The following MTSS1 variants were observed in gnomAD, a reference collection of about 807,000 sequenced individuals.
MTSS1 encodes the protein protein MTSS 1.
A neutral mutation model predicts 79.0 loss-of-function variants in MTSS1; 18 were observed. The ratio of observed to expected loss-of-function variants is 0.23; its 90% CI spans 0.16 to 0.34. The LOEUF (loss-of-function observed/expected upper bound fraction) is 0.34, where lower values mean the gene tolerates loss of function less well. Ranked by LOEUF, MTSS1 falls within the 10% of genes least tolerant of loss-of-function variation. MTSS1 has a pLI of 1.00. For missense variants in MTSS1, 815 were observed against 986.2 expected (o/e 0.83, Z 2.33); for synonymous variants, 341 against 368.6 (o/e 0.93, Z 0.86).
At chr8:124,667,118 C>T (rs1028228171) in intron 3 of MTSS1, among the ~76,000 whole-genome samples, 3 of 152,116 alleles carry the variant, frequency 2.0e-5, no homozygotes, top group Middle Eastern at 3.2e-3. Flanking sequence ...GGGTTTCCCC[C>T]CATCTTAGGA....
Position 124,695,869 on chromosome 8 carries a change from T to G in MTSS1, c.208+3657A>C, listed in dbSNP as rs1023940627. 6.6e-5 allele frequency among the ~76,000 whole-genome samples: 10 copies of G among 151,638 alleles called. 1 individual carries two copies. Among genetic ancestry groups the G allele is most frequent in the East Asian group, 3.9e-4 (2 of 5,182 alleles). ...ACATATTGTGGAAAACTAGTGTTGTTTTTTTTTTTTCCTCCCAGCATGTTT... is the reference window on the plus strand; with the variant it reads ...ACATATTGTGGAAAACTAGTGTTGTGTTTTTTTTTTCCTCCCAGCATGTTT... On this transcript the variant is annotated intron_variant, in intron 3 of 13. Coordinates refer to ENST00000518547, the MANE Select transcript of MTSS1 (RefSeq NM_014751.6).
At chr8:124,679,570 G>C (rs1305490894) in intron 3 of MTSS1, among the ~76,000 whole-genome samples, 3 of 152,190 alleles carry the variant, frequency 2.0e-5, no homozygotes, top group Admixed American at 2.0e-4. Context: ...TGCCTGATCT[G>C]CTTCTAGAGC....
In MTSS1 at chr8:124,683,022, T is replaced by C. The variant is rs531476767; in HGVS notation, c.208+16504A>G. Among the ~76,000 whole-genome samples the C allele has an allele frequency of 8.5e-5, 13 of 152,326 alleles. 1 individual carries two copies. The South Asian group carries it at 2.1e-3, about 24-fold the overall frequency. On this transcript the variant is annotated intron_variant, in intron 3 of 13. Transcript: ENST00000518547. This position sits in a 1 kb window ranked among gnomAD's most constrained non-coding sequence, Gnocchi z 4.5. ...CTTCCTTCCCCAGTCTATGACCTTT[T>C]CAGACCATCTTGGTTCCTCTCCTGA...
At chr8:124,680,977 A>C (rs1323308545) in intron 3 of MTSS1, among the ~76,000 whole-genome samples, 1 of 152,132 alleles carries the variant, frequency 6.6e-6, no homozygotes, top group African/African-American at 2.4e-5. Flanking sequence ...GAGCTCCTTA[A>C]CCACCTTTAA....
At chr8:124,654,148 G>T (rs1045366983) in intron 3 of MTSS1, among the ~76,000 whole-genome samples, 8 of 152,214 alleles carry the variant, frequency 5.3e-5, no homozygotes, top group African/African-American at 1.9e-4. Flanking sequence ...TGTGGGAGGA[G>T]CAAGTTCCTC....
intron 3 of MTSS1, among the ~76,000 whole-genome samples, chr8:124,685,063 A>C (rs759711099): frequency 6.6e-6 from 1 of 152,180 alleles, no homozygotes; most frequent in Non-Finnish European, 1.5e-5. Flanking sequence ...AATAAATATA[A>C]ACCAAGAAAT....
chr8:124,573,103 C>A (rs868067538), intron 6 of MTSS1, among the ~76,000 whole-genome samples: 1 of 152,172 alleles, frequency 6.6e-6, no homozygotes, highest in African/African-American at 2.4e-5. Context: ...TCCCATTGCT[C>A]GCAAGAAAAG....
intron 3 of MTSS1, among the ~76,000 whole-genome samples, chr8:124,600,032 T>C (rs1821038484): frequency 6.7e-6 from 1 of 150,080 alleles, no homozygotes; most frequent in Admixed American, 6.6e-5. Flanking sequence ...ACGTAGATGG[T>C]TGTACTACAA....
chr8:124,718,140 T>C (rs1256275400), intron 1 of MTSS1, among the ~76,000 whole-genome samples: 1 of 140,654 alleles, frequency 7.1e-6, no homozygotes, highest in African/African-American at 2.5e-5. Flanking sequence ...CATCAAGCGC[T>C]TGTGGGTGAC....
At chr8:124,565,626 G>C in intron 9 of MTSS1, 36 bp downstream of exon 9, 5 of 1,562,594 alleles carry the variant, frequency 3.2e-6, no homozygotes, top group Non-Finnish European at 4.4e-6. Flanking sequence ...AAAATGACCC[G>C]TCCTGAAAGC....
At chr8:124,703,198 C>T (rs1259086439) in intron 2 of MTSS1, among the ~76,000 whole-genome samples, 1 of 152,148 alleles carries the variant, frequency 6.6e-6, no homozygotes, top group African/African-American at 2.4e-5. Flanking sequence ...CCCAAGCAAC[C>T]AATGATCAAC....
At chr8:124,688,262 T>C (rs553237535) in intron 3 of MTSS1, among the ~76,000 whole-genome samples, 108 of 152,030 alleles carry the variant, frequency 7.1e-4, no homozygotes, top group African/African-American at 2.5e-3. Flanking sequence ...TGTGTGTGCA[T>C]GTGTATGTGT....
At chr8:124,691,666 C>G (rs1827957480) in intron 3 of MTSS1, among the ~76,000 whole-genome samples, 1 of 152,044 alleles carries the variant, frequency 6.6e-6, no homozygotes, top group Non-Finnish European at 1.5e-5. Flanking sequence ...CAGATGCCCG[C>G]CACCACACCC....
At chr8:124,707,403 A>C (rs1262233702) in intron 1 of MTSS1, among the ~76,000 whole-genome samples, 17 of 149,150 alleles carry the variant, frequency 1.1e-4, no homozygotes, top group Non-Finnish European at 2.4e-4. Flanking sequence ...AAAAAAAAAA[A>C]CAAACAAACA....
intron 3 of MTSS1, among the ~76,000 whole-genome samples, chr8:124,644,565 G>A (rs898913910): frequency 4.6e-5 from 7 of 152,188 alleles, no homozygotes; most frequent in African/African-American, 1.7e-4. Context: ...ATGAAACAAG[G>A]AAATTACATT....
intron 3 of MTSS1, among the ~76,000 whole-genome samples, chr8:124,689,230 G>A (rs1394671023): frequency 5.3e-5 from 8 of 152,138 alleles, no homozygotes; most frequent in Non-Finnish European, 1.0e-4. Context: ...CATTTTGTGC[G>A]TGTTTTCTAG....
At chr8:124,579,304 C>T (rs959438634) in intron 6 of MTSS1, among the ~76,000 whole-genome samples, 3 of 152,114 alleles carry the variant, frequency 2.0e-5, no homozygotes, top group Non-Finnish European at 2.9e-5. Context: ...CCAGAATAGG[C>T]AAATCCAGAG....
chr8:124,696,671 C>T (rs1048889605), intron 3 of MTSS1, among the ~76,000 whole-genome samples: 1 of 151,832 alleles, frequency 6.6e-6, no homozygotes. Context: ...GCCAACATGA[C>T]GAAACCCTGT....
chr8:124,719,943 T>C (rs1832668403), intron 1 of MTSS1, among the ~76,000 whole-genome samples: 1 of 152,208 alleles, frequency 6.6e-6, no homozygotes, highest in Non-Finnish European at 1.5e-5. Context: ...AAACTTAACT[T>C]GCTCAGAGCA....
Sources: gnomAD v4.1 joint callset for allele counts (sites outside exome capture counted in the v4.1 genomes callset) on GRCh38, gnomAD v4.1.1 for gene constraint, Gnocchi (gnomAD v3.1) non-coding constraint, MANE v1.5 for transcripts, NCBI Gene and HGNC (gene_info 2026-07-23, HGNC 2026-07-21) for gene names.